Variants in OSBPL3 observed in about 807,000 individuals in gnomAD.
The protein encoded by OSBPL3 is oxysterol binding protein like 3, also known as oxysterol-binding protein-related protein 3.
A neutral mutation model predicts 120.1 loss-of-function variants in OSBPL3; 65 were observed. That is an observed-to-expected ratio of 0.54 (90% CI 0.44 to 0.67). The LOEUF (loss-of-function observed/expected upper bound fraction) is 0.67, where lower values mean the gene tolerates loss of function less well. Ranked by LOEUF, OSBPL3 falls within the 30% of genes least tolerant of loss-of-function variation. The pLI, the probability that OSBPL3 is intolerant of heterozygous loss-of-function variation, is 0.00. For synonymous variants in OSBPL3, 416 were observed against 402.6 expected, an observed-to-expected ratio of 1.03 and a Z score of -0.40; for missense variants, 1,004 against 1,082.1, an observed-to-expected ratio of 0.93 and a Z score of 1.01.
Position 24,953,541 on chromosome 7 carries a change from T to A in OSBPL3, c.-150+26345A>T, listed in dbSNP as rs1178120679. On this transcript the variant is annotated intron_variant, in intron 1 of 22. Transcript: ENST00000313367. This position sits in a 1 kb window ranked among gnomAD's most constrained non-coding sequence, Gnocchi z 4.3. ...TGAACATTCATTATTACTCTCAGTA[T>A]GAAAACTAAATAGATCATCAGAAAA... 6.6e-6 allele frequency among the ~76,000 whole-genome samples: 1 copy of A among 152,320 alleles called. No homozygotes were observed. The highest frequency in any genetic ancestry group is 1.9e-4 in the East Asian group (1 of 5,192).
At position 24,937,022 on chromosome 7, in the gene OSBPL3, G is replaced by A. The variant is rs953890825; in HGVS notation, c.-150+42864C>T. On this transcript the variant is annotated intron_variant, in intron 1 of 22. Transcript: ENST00000313367. This position sits in a 1 kb window ranked among gnomAD's most constrained non-coding sequence, Gnocchi z 4.0. Reference sequence around the variant, plus strand: ...GCTAATAAAGACATACCCAAGACTGGGTAATTTATAAAGGAAAGAGGTTTA... The same window carrying A: ...GCTAATAAAGACATACCCAAGACTGAGTAATTTATAAAGGAAAGAGGTTTA... Among the ~76,000 whole-genome samples the A allele has an allele frequency of 2.0e-5, 3 of 152,156 alleles. No homozygotes were observed. Among genetic ancestry groups the A allele is most frequent in the African/African-American group, 7.2e-5 (3 of 41,426 alleles).
intron 1 of OSBPL3, among the ~76,000 whole-genome samples, chr7:24,958,063 A>C (rs141998326): frequency 2.0e-5 from 3 of 152,252 alleles, no homozygotes; most frequent in African/African-American, 7.2e-5. Flanking sequence ...GCTCACATAT[A>C]AGCATTTTTG....
chr7:24,848,127 G>A (rs1426960073), intron 12 of OSBPL3, among the ~76,000 whole-genome samples: 4 of 152,214 alleles, frequency 2.6e-5, no homozygotes, highest in African/African-American at 9.7e-5. Flanking sequence ...TGTACTGACT[G>A]ACTTCAGCCT....
At chr7:24,836,064 C>T (rs1290501917) in intron 14 of OSBPL3, among the ~76,000 whole-genome samples, 2 of 151,654 alleles carry the variant, frequency 1.3e-5, no homozygotes, top group African/African-American at 4.8e-5. Flanking sequence ...TACCCCTGAA[C>T]CTAAGAGTTT....
intron 22 of OSBPL3, among the ~76,000 whole-genome samples, chr7:24,801,156 G>A (rs746909929): frequency 3.4e-5 from 5 of 145,622 alleles, no homozygotes; most frequent in Middle Eastern, 7.5e-3. Context: ...CAGGAGAATC[G>A]CTTGGAACTG....
Position 24,896,571 on chromosome 7 carries a change from G to C in OSBPL3, c.-149-3950C>G, listed in dbSNP as rs961725354. Among the ~76,000 whole-genome samples, 70 of 152,210 alleles carry C rather than the reference G, an allele frequency of 4.6e-4. No individual in the cohort carries two copies. Among genetic ancestry groups the C allele is most frequent in the African/African-American group, 1.6e-3 (68 of 41,456 alleles). ...GCTGATTTTAAGACTCATGTTAGTA[G>C]GTTTCACTTAGAAAAGATAACACAA... On this transcript the variant is annotated intron_variant, in intron 1 of 22. Coordinates refer to ENST00000313367, the MANE Select transcript of OSBPL3 (RefSeq NM_015550.4). The surrounding 1 kb of genome is among the most constrained non-coding windows in gnomAD (Gnocchi z 4.4).
chr7:24,961,060 T>A (rs2128515728), intron 1 of OSBPL3, among the ~76,000 whole-genome samples: 2 of 152,216 alleles, frequency 1.3e-5, no homozygotes, highest in Admixed American at 1.3e-4. Flanking sequence ...CATGTAATGA[T>A]TTTTTTAAAA....
chr7:24,878,764 C>T (rs186765854), intron 2 of OSBPL3, among the ~76,000 whole-genome samples: 22 of 152,292 alleles, frequency 1.4e-4, no homozygotes, highest in African/African-American at 5.3e-4. Context: ...TGTATGAGCT[C>T]TCACTCAGTG....
In OSBPL3 at chr7:24,870,742, T is replaced by C. The variant is rs1183638163; in HGVS notation, c.371A>G (p.Tyr124Cys). 2.5e-6 allele frequency: 4 copies of C among 1,597,972 alleles called. No individual in the cohort carries two copies. The highest frequency in any genetic ancestry group is 1.3e-5 in the African/African-American group (1 of 74,726). ...CIDLDTEEHI[Y>C]HLKVKSEEVF... ...GGGAAGCAGCCTCACCTTCAGATGG[T>C]AGATGTGCTCCTCGGTGTCAAGGTC... Residue 124 changes from tyrosine (Y) to cysteine (C), a missense_variant, in exon 5 of 23, where the codon TAC becomes TGC. Tyr to Cys is a radical substitution (Grantham distance 194). Around this residue, in one of 4 missense-constraint regions of OSBPL3, gnomAD observed 255 missense variants for 248.7 expected, o/e 1.03. Coordinates refer to ENST00000313367, the MANE Select transcript of OSBPL3 (RefSeq NM_015550.4).
rs774849236 is a variant in OSBPL3, at chr7:24,866,149, T to C, written c.470A>G (p.His157Arg). 7 of 1,613,384 alleles carry C rather than the reference T, an allele frequency of 4.3e-6. No homozygotes were observed. In the East Asian group the frequency reaches 1.1e-4, roughly 26 times the overall value. The change falls in exon 6 of 23, where the codon CAT becomes CGT. Residue 157 changes from histidine (H) to arginine (R), a missense_variant. Physicochemically the swap from His to Arg is conservative, Grantham distance 29 (BLOSUM62 0). This residue lies in a region of OSBPL3 where 255 missense variants were observed against 248.7 expected (regional missense o/e 1.03). Transcript: ENST00000313367. ...CCCTGAGAAAAAGTGGTTAACTTCA[T>C]GTGGAAACATGGCAATTTCATTCTG... ...YRQNEIAMFP[H>R]EVNHFFSGST... is the part of the protein sequence containing the mutation.
At chr7:24,948,428 C>T (rs1389009158) in intron 1 of OSBPL3, among the ~76,000 whole-genome samples, 1 of 151,888 alleles carries the variant, frequency 6.6e-6, no homozygotes, top group East Asian at 1.9e-4. Context: ...TTTGATAGCT[C>T]ACAGCTGGAA....
rs1378954271 is a variant in OSBPL3 at position 24,879,741 on chromosome 7, A to G, written c.97-7672T>C. On this transcript the variant is annotated intron_variant, in intron 2 of 22. Coordinates refer to ENST00000313367, the MANE Select transcript of OSBPL3 (RefSeq NM_015550.4). The surrounding 1 kb of genome is among the most constrained non-coding windows in gnomAD (Gnocchi z 5.6). ...TTTCCAAAGAGAAAAACGCTTTCCA[A>G]CTGTATTGACCACAGACGGATTTAT... 3.3e-5 allele frequency among the ~76,000 whole-genome samples: 5 copies of G among 152,180 alleles called. No homozygotes were observed. Among genetic ancestry groups the G allele is most frequent in the African/African-American group, 1.2e-4 (5 of 41,444 alleles).
chr7:24,942,715 C>T lies in OSBPL3; in HGVS notation c.-150+37171G>A, dbSNP rs569371638. ...TTTTAAGGTAATACAATACATATGT[C>T]GTATATTTTATAACACCTCCAGCAG... On this transcript the variant is annotated intron_variant, in intron 1 of 22. Transcript: ENST00000313367. Among the ~76,000 whole-genome samples the T allele has an allele frequency of 5.3e-5, 8 of 152,232 alleles. No individual in the cohort carries two copies. In the East Asian group the frequency reaches 1.2e-3, roughly 22 times the overall value.
intron 10 of OSBPL3, 73 bp downstream of exon 10, chr7:24,861,540 A>C: frequency 1.0e-6 from 1 of 996,562 alleles, no homozygotes; most frequent in Non-Finnish European, 1.5e-6. Flanking sequence ...TACTCTCTCT[A>C]AGGACATCTC....
chr7:24,841,632 T>C (rs947021042), intron 13 of OSBPL3, among the ~76,000 whole-genome samples: 33 of 139,392 alleles, frequency 2.4e-4, no homozygotes, highest in Admixed American at 8.6e-4. Context: ...GAGGCAGAGG[T>C]TGCAGTGAGC....
intron 4 of OSBPL3, 82 bp from the exon 5 acceptor site, chr7:24,870,927 C>T (rs1036482096): frequency 1.2e-6 from 1 of 865,964 alleles, no homozygotes; most frequent in South Asian, 1.3e-5. Flanking sequence ...TTCCACATCC[C>T]CTGATAGTAA....
intron 1 of OSBPL3, among the ~76,000 whole-genome samples, chr7:24,950,955 A>G (rs1237053634): frequency 3.3e-5 from 5 of 152,194 alleles, no homozygotes; most frequent in Non-Finnish European, 1.5e-5. Context: ...ATTAAGCTTC[A>G]TATTTTATAT....
rs1191619535 is a variant in OSBPL3 at position 24,965,430 on chromosome 7, T to C, written c.-150+14456A>G. 1.3e-5 allele frequency among the ~76,000 whole-genome samples: 2 copies of C among 152,194 alleles called. No homozygotes were observed. The highest frequency in any genetic ancestry group is 2.9e-5 in the Non-Finnish European group (2 of 68,026). On this transcript the variant is annotated intron_variant, in intron 1 of 22. Coordinates refer to ENST00000313367, the MANE Select transcript of OSBPL3 (RefSeq NM_015550.4). The surrounding 1 kb of genome is among the most constrained non-coding windows in gnomAD (Gnocchi z 4.3). Reference sequence around the variant, plus strand: ...TTGTGAGAAGAAACATATATTAAAGTGATTTACAAATGTGGAAGTGTTATA... The same window carrying C: ...TTGTGAGAAGAAACATATATTAAAGCGATTTACAAATGTGGAAGTGTTATA...
intron 10 of OSBPL3, among the ~76,000 whole-genome samples, chr7:24,857,017 G>A (rs1266529173): frequency 6.6e-6 from 1 of 152,116 alleles, no homozygotes; most frequent in African/African-American, 2.4e-5. Flanking sequence ...AACAATAAAT[G>A]ACTTGGCTTT....
Sources: gnomAD v4.1 joint callset for allele counts (sites outside exome capture counted in the v4.1 genomes callset) on GRCh38, gnomAD v4.1.1 for gene constraint, gnomAD v4.1.1 regional missense constraint, Gnocchi (gnomAD v3.1) non-coding constraint, MANE v1.5 for transcripts, NCBI Gene and HGNC (gene_info 2026-07-23, HGNC 2026-07-21) for gene names.